The following SHANK2 variants were observed in gnomAD, a reference collection of about 807,000 sequenced individuals.
SHANK2 encodes the protein SH3 and multiple ankyrin repeat domains protein 2.
A neutral mutation model predicts 133.7 loss-of-function variants in SHANK2; 43 were observed. The ratio of observed to expected loss-of-function variants is 0.32; its 90% confidence interval spans 0.25 to 0.41. The LOEUF (loss-of-function observed/expected upper bound fraction) is 0.41, where lower values mean the gene tolerates loss of function less well. SHANK2 is among the 10% of genes least tolerant of loss of function. The pLI, the probability that SHANK2 is intolerant of heterozygous loss-of-function variation, is 1.00. For synonymous variants in SHANK2, 1,017 were observed against 952.8 expected, an observed-to-expected ratio of 1.07 and a Z score of -1.24; for missense variants, 1,994 against 2,235.8, an observed-to-expected ratio of 0.89 and a Z score of 2.18.
At chr11:70,536,358 G>A (rs1165054726) in intron 17 of SHANK2, among the ~76,000 whole-genome samples, 1 of 152,208 alleles carries the variant, frequency 6.6e-6, no homozygotes, top group Admixed American at 6.5e-5. Context: ...TAAAACCGGA[G>A]CTGCGTCAGT....
intron 1 of SHANK2, among the ~76,000 whole-genome samples, chr11:71,250,854 A>G (rs1351509553): frequency 6.6e-6 from 1 of 152,038 alleles, no homozygotes; most frequent in Non-Finnish European, 1.5e-5. Context: ...TAGAGATCAA[A>G]TCGCCCTCCC....
chr11:70,860,025 G>A (rs1555067478), intron 11 of SHANK2, among the ~76,000 whole-genome samples: 1 of 152,116 alleles, frequency 6.6e-6, no homozygotes, highest in Non-Finnish European at 1.5e-5. Flanking sequence ...GTTCCTCAAA[G>A]AACCCCGACT....
chr11:70,676,124 C>A (rs1944901269), intron 15 of SHANK2, among the ~76,000 whole-genome samples: 1 of 152,228 alleles, frequency 6.6e-6, no homozygotes, highest in Non-Finnish European at 1.5e-5. Flanking sequence ...TTAATGCTGT[C>A]CCTCACGTGA....
intron 11 of SHANK2, among the ~76,000 whole-genome samples, chr11:70,885,623 C>G (rs1435068242): frequency 6.6e-6 from 1 of 152,150 alleles, no homozygotes; most frequent in East Asian, 1.9e-4. Context: ...CGAACATCAA[C>G]AAAGACAAGG....
chr11:70,783,827 A>G (rs781895297), intron 14 of SHANK2, among the ~76,000 whole-genome samples: 48 of 152,190 alleles, frequency 3.2e-4, no homozygotes, highest in Non-Finnish European at 4.9e-4. Context: ...AGCATCACAC[A>G]GGCACCAAAC....
chr11:70,738,433 G>T (rs1201916978), intron 14 of SHANK2, among the ~76,000 whole-genome samples: 2 of 152,236 alleles, frequency 1.3e-5, no homozygotes, highest in Admixed American at 6.5e-5. Context: ...GACGCCCAAG[G>T]CTCCGAGCAG....
At chr11:70,836,452 T>C (rs3019839) in intron 11 of SHANK2, among the ~76,000 whole-genome samples, 91,921 of 151,920 alleles carry the variant, frequency 0.61, 28,228 homozygotes, top group South Asian at 0.75. Flanking sequence ...GTTTACAAAG[T>C]GCCAGGTATG....
At chr11:70,806,261 G>A (rs1018096547) in intron 13 of SHANK2, among the ~76,000 whole-genome samples, 9 of 152,156 alleles carry the variant, frequency 5.9e-5, no homozygotes, top group South Asian at 2.1e-4. Flanking sequence ...TGCTGGCCAC[G>A]TGTGCTAGGC....
At chr11:71,134,721 T>C (rs1181821407) in intron 3 of SHANK2, among the ~76,000 whole-genome samples, 5 of 152,116 alleles carry the variant, frequency 3.3e-5, no homozygotes, top group Non-Finnish European at 4.4e-5. Flanking sequence ...ATTACAGGCA[T>C]GAGCTGAGAA....
In SHANK2 at chr11:70,500,583, G is replaced by C; in HGVS notation, c.2295C>G (p.Val765=). 5.6e-6 allele frequency: 9 copies of C among 1,603,622 alleles called. No homozygotes were observed. The highest frequency in any genetic ancestry group is 6.8e-6 in the Non-Finnish European group (8 of 1,175,220). Residue 765 remains valine (V), a synonymous_variant, in exon 21 of 26, where the codon GTC becomes GTG. Transcript: ENST00000601538. This position sits in a 1 kb window ranked among gnomAD's most constrained non-coding sequence, Gnocchi z 4.5. ...ELEELVDKAS[V]RKKKDKPEEI... ...GGCCTCCCTTACCCTTCTTCTTCCGGACCGAGGCTTGCAAACAGAAAGGGG... is the reference window on the plus strand; with the variant it reads ...GGCCTCCCTTACCCTTCTTCTTCCGCACCGAGGCTTGCAAACAGAAAGGGG...
chr11:70,609,531 C>A (rs1554993536), intron 17 of SHANK2, among the ~76,000 whole-genome samples: 1 of 152,074 alleles, frequency 6.6e-6, no homozygotes. Context: ...TCCGTGATGG[C>A]CGAGAGGCGG....
Position 71,094,568 on chromosome 11 carries a change from G to C in SHANK2, c.713C>G (p.Ala238Gly), listed in dbSNP as rs559979675. ...AKDGMTALHK[A>G]ARARNQVALK... is the part of the protein sequence containing the mutation. Reference sequence around the variant, plus strand: ...GGCAACTTGGTTCCTCGCTCGGGCAGCTTTGTGTAGGGCGGTCATCCCATC... The same window carrying C: ...GGCAACTTGGTTCCTCGCTCGGGCACCTTTGTGTAGGGCGGTCATCCCATC... The change falls in exon 7 of 26, where the codon GCT (alanine) becomes GGT (glycine). Residue 238 changes from alanine (A) to glycine (G), a missense_variant. Around this residue, in one of 5 missense-constraint regions of SHANK2, gnomAD observed 653 missense variants for 563.4 expected, o/e 1.16. Transcript: ENST00000601538. 9.7e-6 allele frequency: 15 copies of C among 1,551,612 alleles called. No individual in the cohort carries two copies. The East Asian group carries it at 3.7e-4, about 38-fold the overall frequency.
At chr11:71,166,978 G>C (rs1467446395) in intron 2 of SHANK2, among the ~76,000 whole-genome samples, 1 of 139,688 alleles carries the variant, frequency 7.2e-6, no homozygotes, top group Non-Finnish European at 1.6e-5. Flanking sequence ...AGATTAGGGA[G>C]TGGTGATGAC....
chr11:71,212,058 G>C (rs1954293846), intron 2 of SHANK2, among the ~76,000 whole-genome samples: 1 of 152,182 alleles, frequency 6.6e-6, no homozygotes, highest in African/African-American at 2.4e-5. Context: ...CGTGTCGCAT[G>C]AAAAAATTCT....
chr11:70,475,418 G>A (rs1399177325), intron 25 of SHANK2, among the ~76,000 whole-genome samples: 2 of 152,180 alleles, frequency 1.3e-5, no homozygotes, highest in Non-Finnish European at 2.9e-5. Flanking sequence ...AAAGCAAAGG[G>A]AGTGACCTGG....
At chr11:71,119,131 C>G (rs1952037522) in intron 3 of SHANK2, 99 bp from the exon 4 acceptor site, 17 of 929,300 alleles carry the variant, frequency 1.8e-5, no homozygotes, top group Non-Finnish European at 2.6e-5. Context: ...GCTTCCACCC[C>G]TTCCCGACAC....
intron 13 of SHANK2, among the ~76,000 whole-genome samples, chr11:70,802,044 G>A (rs1948058008): frequency 6.6e-6 from 1 of 152,174 alleles, no homozygotes; most frequent in African/African-American, 2.4e-5. Flanking sequence ...TGCAGGAAGA[G>A]GCAGTGCTTT....
At chr11:70,622,121 C>G (rs1249437587) in intron 17 of SHANK2, among the ~76,000 whole-genome samples, 1 of 152,166 alleles carries the variant, frequency 6.6e-6, no homozygotes, top group Non-Finnish European at 1.5e-5. Flanking sequence ...GTGAGCCTGA[C>G]AAGAACAGCT....
chr11:70,921,206 C>CG (rs1950347073), intron 10 of SHANK2, among the ~76,000 whole-genome samples: 1 of 152,186 alleles, frequency 6.6e-6, no homozygotes, highest in Non-Finnish European at 1.5e-5. Flanking sequence ...CAACAAAAGA[C>CG]AACAGTAAAC....
Sources: allele counts gnomAD v4.1 joint callset (sites outside exome capture counted in the v4.1 genomes callset), GRCh38; gene constraint gnomAD v4.1.1; regional missense constraint gnomAD v4.1.1; non-coding constraint Gnocchi (gnomAD v3.1); transcripts MANE v1.5; gene names NCBI Gene and HGNC (gene_info 2026-07-23, HGNC 2026-07-21).